FHIT: variants seen among roughly 807,000 people sequenced by gnomAD.
The protein encoded by FHIT is bis(5'-adenosyl)-triphosphatase.
Under a neutral mutation model 17.9 loss-of-function variants are expected in FHIT, and 19 were observed. That is an observed-to-expected ratio of 1.06 (90% CI 0.74 to 1.56). The LOEUF (loss-of-function observed/expected upper bound fraction) is 1.56. Ranked by LOEUF, FHIT falls within the 40% of genes most tolerant of loss-of-function variation. The probability of loss-of-function intolerance (pLI) is 0.00; values close to 1 mark genes in which losing one functional copy is unlikely to be tolerated. For missense variants in FHIT, 248 were observed against 189.2 expected (o/e 1.31, Z -1.82); for synonymous variants, 81 against 69.7 (o/e 1.16, Z -0.81).
intron 5 of FHIT, among the ~76,000 whole-genome samples, chr3:60,406,254 C>T (rs143486133): frequency 1.9e-3 from 287 of 152,266 alleles, no homozygotes; most frequent in Middle Eastern, 6.8e-3. Flanking sequence ...TATCAGGGCA[C>T]AATACTAAAA....
chr3:60,771,361 C>T (rs1023320860), intron 4 of FHIT, among the ~76,000 whole-genome samples: 1 of 152,232 alleles, frequency 6.6e-6, no homozygotes, highest in Non-Finnish European at 1.5e-5. Flanking sequence ...CATATCAATA[C>T]TCTTTCTGAA....
chr3:60,404,046 A>C (rs1701760766), intron 5 of FHIT, among the ~76,000 whole-genome samples: 1 of 152,182 alleles, frequency 6.6e-6, no homozygotes, highest in African/African-American at 2.4e-5. Context: ...GTCCACAACC[A>C]ATCAGACTGA....
At chr3:60,909,855 A>C (rs1273677694) in intron 3 of FHIT, among the ~76,000 whole-genome samples, 1 of 152,152 alleles carries the variant, frequency 6.6e-6, no homozygotes, top group Non-Finnish European at 1.5e-5. Context: ...GGAAAACCAG[A>C]AATTGACCTC....
At chr3:60,049,953 T>A (rs1259070613) in intron 5 of FHIT, among the ~76,000 whole-genome samples, 1 of 152,200 alleles carries the variant, frequency 6.6e-6, no homozygotes, top group African/African-American at 2.4e-5. Flanking sequence ...CACTAATACT[T>A]ATTATGATCT....
intron 5 of FHIT, among the ~76,000 whole-genome samples, chr3:60,261,970 A>T (rs1201685157): frequency 6.6e-6 from 1 of 152,028 alleles, no homozygotes; most frequent in African/African-American, 2.4e-5. Flanking sequence ...ATAACCTTTT[A>T]TCCTCCTATA....
chr3:61,046,196 C>T (rs1003223610), intron 2 of FHIT, among the ~76,000 whole-genome samples: 1 of 151,926 alleles, frequency 6.6e-6, no homozygotes, highest in Non-Finnish European at 1.5e-5. Flanking sequence ...TCAATGAATC[C>T]AGGAGATGGT....
intron 4 of FHIT, chr3:60,732,423 C>T (rs2042048983): frequency 1.3e-6 from 1 of 746,686 alleles, no homozygotes; most frequent in Non-Finnish European, 2.5e-6. Flanking sequence ...GCCACCAGTG[C>T]CATATGGCAT....
At chr3:60,560,680 A>G (rs924897421) in intron 4 of FHIT, among the ~76,000 whole-genome samples, 23 of 151,970 alleles carry the variant, frequency 1.5e-4, no homozygotes, top group Admixed American at 7.2e-4. Context: ...ACTGTTCACA[A>G]CCACAAGCAG....
intron 5 of FHIT, among the ~76,000 whole-genome samples, chr3:60,464,378 AT>A (rs1328536401): frequency 1.3e-5 from 2 of 152,108 alleles, no homozygotes; most frequent in African/African-American, 2.4e-5. Context: ...ATCCTATCAT[AT>A]TTTTAAGCTA....
At chr3:59,924,722 G>T (rs1484325099) in intron 7 of FHIT, among the ~76,000 whole-genome samples, 1 of 152,172 alleles carries the variant, frequency 6.6e-6, no homozygotes, top group Non-Finnish European at 1.5e-5. Flanking sequence ...CTTGAATGAG[G>T]GCATTGTTCA....
intron 3 of FHIT, among the ~76,000 whole-genome samples, chr3:60,866,274 A>G (rs1704155700): frequency 6.6e-6 from 1 of 152,190 alleles, no homozygotes; most frequent in Admixed American, 6.6e-5. Flanking sequence ...TTCCATGTGG[A>G]AGAGGGCTGA....
chr3:60,299,102 T>C (rs1708337900), intron 5 of FHIT, among the ~76,000 whole-genome samples: 2 of 152,114 alleles, frequency 1.3e-5, no homozygotes, highest in African/African-American at 4.8e-5. Context: ...CAGCACCAAA[T>C]TGGGCTGCTG....
intron 5 of FHIT, among the ~76,000 whole-genome samples, chr3:60,353,758 T>C (rs969649944): frequency 1.3e-5 from 2 of 152,038 alleles, no homozygotes; most frequent in African/African-American, 2.4e-5. Context: ...AAAACAAATC[T>C]GTAAAAAAGT....
chr3:60,546,743 T>C (rs902138731), intron 4 of FHIT, among the ~76,000 whole-genome samples: 35 of 152,292 alleles, frequency 2.3e-4, no homozygotes, highest in African/African-American at 7.2e-4. Context: ...ACTCTCTTCC[T>C]GATCTTCCAG....
At chr3:59,907,715 AACAAATTTCC>A (rs1212227079) in intron 8 of FHIT, among the ~76,000 whole-genome samples, 1 of 152,222 alleles carries the variant, frequency 6.6e-6, no homozygotes, top group Non-Finnish European at 1.5e-5. Flanking sequence ...TTGCTACTAT[AACAAATTTCC>A]ACAAACTCAG....
chr3:60,342,889 C>T (rs73104925), intron 5 of FHIT, among the ~76,000 whole-genome samples: 17,050 of 152,056 alleles, frequency 0.11, 1,242 homozygotes, highest in Non-Finnish European at 0.16. Flanking sequence ...TCCAACCTTC[C>T]CAAGGAATTT....
chr3:59,911,715 C>G (rs1704886332), intron 8 of FHIT, among the ~76,000 whole-genome samples: 1 of 152,144 alleles, frequency 6.6e-6, no homozygotes, highest in Admixed American at 6.5e-5. Flanking sequence ...GGTAAAAGTT[C>G]TTTCTCAGGG....
intron 2 of FHIT, among the ~76,000 whole-genome samples, chr3:61,082,440 A>T (rs772819403): frequency 6.6e-6 from 1 of 152,180 alleles, no homozygotes; most frequent in Non-Finnish European, 1.5e-5. Context: ...TAAATATTTC[A>T]TTATGTGAAT....
chr3:60,794,853 G>A (rs1700919206), intron 4 of FHIT, among the ~76,000 whole-genome samples: 2 of 152,008 alleles, frequency 1.3e-5, no homozygotes, highest in African/African-American at 2.4e-5. Flanking sequence ...TTTGTGCTAT[G>A]GGCAATTTTG....
Sources: gnomAD v4.1 joint callset for allele counts (sites outside exome capture counted in the v4.1 genomes callset) on GRCh38, gnomAD v4.1.1 for gene constraint, MANE v1.5 for transcripts, NCBI Gene and HGNC (gene_info 2026-07-23, HGNC 2026-07-21) for gene names.